The following CHCHD3 variants were observed in gnomAD, a reference collection of about 807,000 sequenced individuals.
The protein encoded by CHCHD3 is coiled-coil-helix-coiled-coil-helix domain containing 3.
CHCHD3 carries 20 observed loss-of-function variants against 38.2 expected under a neutral mutation model. That is an observed-to-expected ratio of 0.52 (90% confidence interval 0.37 to 0.76). The LOEUF (loss-of-function observed/expected upper bound fraction) is 0.76, where lower values mean the gene tolerates loss of function less well. Among genes scored for constraint, CHCHD3 ranks in the 30% least tolerant of loss-of-function variants. The probability of loss-of-function intolerance (pLI) is 0.00; values close to 1 mark genes in which losing one functional copy is unlikely to be tolerated. For synonymous variants in CHCHD3, 82 were observed against 100.0 expected, an observed-to-expected ratio of 0.82 and a Z score of 1.07; for missense variants, 245 against 279.2, an observed-to-expected ratio of 0.88 and a Z score of 0.87.
intron 4 of CHCHD3, among the ~76,000 whole-genome samples, chr7:132,910,444 C>A (rs1161281716): frequency 6.6e-6 from 1 of 152,154 alleles, no homozygotes; most frequent in African/African-American, 2.4e-5. Context: ...TATTCCTTAA[C>A]TTTCTTATAC....
intron 2 of CHCHD3, chr7:133,034,474 T>C (rs1485472754): frequency 1.3e-6 from 1 of 799,092 alleles, no homozygotes; most frequent in Non-Finnish European, 1.9e-6. Context: ...GCATCTATAA[T>C]TCTTTTCAAG....
chr7:132,963,408 G>T (rs1811373610), intron 4 of CHCHD3, among the ~76,000 whole-genome samples: 1 of 146,802 alleles, frequency 6.8e-6, no homozygotes, highest in Non-Finnish European at 1.5e-5. Flanking sequence ...AAGGCGGGCG[G>T]ATCACGAGGT....
chr7:132,814,154 A>G (rs531284635), intron 6 of CHCHD3, among the ~76,000 whole-genome samples: 16 of 152,204 alleles, frequency 1.1e-4, no homozygotes, highest in Non-Finnish European at 1.9e-4. Context: ...TTAAAGTTCT[A>G]TTACTGTTAA....
At chr7:132,934,978 A>G (rs994607444) in intron 4 of CHCHD3, among the ~76,000 whole-genome samples, 1 of 152,192 alleles carries the variant, frequency 6.6e-6, no homozygotes, top group Non-Finnish European at 1.5e-5. Flanking sequence ...CATAATGAAC[A>G]TGCCTGGAAT....
intron 6 of CHCHD3, among the ~76,000 whole-genome samples, chr7:132,820,760 C>T (rs1807354080): frequency 6.6e-6 from 1 of 151,644 alleles, no homozygotes; most frequent in Non-Finnish European, 1.5e-5. Flanking sequence ...ATATATGGCC[C>T]AAATGCTGAG....
chr7:132,892,087 A>T (rs1809376125), intron 4 of CHCHD3, among the ~76,000 whole-genome samples: 1 of 152,240 alleles, frequency 6.6e-6, no homozygotes, highest in Non-Finnish European at 1.5e-5. Context: ...GGGCACTGCT[A>T]TAAAGATACA....
intron 4 of CHCHD3, among the ~76,000 whole-genome samples, chr7:132,927,363 C>T (rs1299106168): frequency 6.6e-6 from 1 of 152,158 alleles, no homozygotes; most frequent in African/African-American, 2.4e-5. Context: ...ACTTAACAGC[C>T]GTCAACCACA....
chr7:133,000,460 G>A (rs1213930399), intron 3 of CHCHD3, among the ~76,000 whole-genome samples: 3 of 151,962 alleles, frequency 2.0e-5, no homozygotes, highest in Non-Finnish European at 4.4e-5. Context: ...AATCTACAAC[G>A]TACTTAAGGG....
At position 133,035,950 on chromosome 7, in the gene CHCHD3, G is replaced by C; in HGVS notation, c.170-11323C>G. On this transcript the variant is annotated intron_variant, in intron 2 of 7. Transcript: ENST00000262570. The surrounding 1 kb of genome is among the most constrained non-coding windows in gnomAD (Gnocchi z 4.7). ...ATTCCGCAAAGAAAGGCTGGATCCA[G>C]TCTTAAAAGTGTTATCAGGTAGGGG... The C allele has an allele frequency of 1.4e-6, 2 of 1,477,666 alleles. No individual in the cohort carries two copies. The highest frequency in any genetic ancestry group is 1.9e-6 in the Non-Finnish European group (2 of 1,068,682). The allele number at this position is 1,477,666 out of a possible 1,614,324, so 91.5% of individuals were successfully genotyped here.
At chr7:132,951,642 C>T (rs900483236) in intron 4 of CHCHD3, among the ~76,000 whole-genome samples, 1 of 152,142 alleles carries the variant, frequency 6.6e-6, no homozygotes, top group African/African-American at 2.4e-5. Context: ...ACAAAATTGC[C>T]TAATGATGCA....
intron 4 of CHCHD3, among the ~76,000 whole-genome samples, chr7:132,930,361 G>A (rs1810485895): frequency 6.6e-6 from 1 of 151,806 alleles, no homozygotes; most frequent in Non-Finnish European, 1.5e-5. Context: ...TAGAGAGTGG[G>A]TCTCACCATG....
At chr7:133,065,079 A>G (rs1221937100) in intron 2 of CHCHD3, among the ~76,000 whole-genome samples, 1 of 152,234 alleles carries the variant, frequency 6.6e-6, no homozygotes, top group Non-Finnish European at 1.5e-5. Context: ...ATATGCAATG[A>G]CATCTCCTTA....
At chr7:133,034,788 C>T (rs775800313) in intron 2 of CHCHD3, 4 of 1,612,866 alleles carry the variant, frequency 2.5e-6, no homozygotes, top group Non-Finnish European at 3.4e-6. Flanking sequence ...CTCCTGGCCT[C>T]GGAAGACCCA....
At chr7:133,055,275 A>T (rs1814284979) in intron 2 of CHCHD3, among the ~76,000 whole-genome samples, 1 of 146,928 alleles carries the variant, frequency 6.8e-6, no homozygotes, top group African/African-American at 2.5e-5. Context: ...ATAATTAATT[A>T]TAATTATATT....
At chr7:132,982,459 A>G (rs897921144) in intron 3 of CHCHD3, among the ~76,000 whole-genome samples, 2 of 152,006 alleles carry the variant, frequency 1.3e-5, no homozygotes, top group Non-Finnish European at 2.9e-5. Context: ...TAATTTTTGT[A>G]TTTTTAGTAA....
chr7:132,852,392 G>C (rs1808241129), intron 5 of CHCHD3, among the ~76,000 whole-genome samples: 1 of 152,132 alleles, frequency 6.6e-6, no homozygotes, highest in South Asian at 2.1e-4. Flanking sequence ...TTGTCTTCAA[G>C]AGCTCCATAT....
intron 6 of CHCHD3, among the ~76,000 whole-genome samples, chr7:132,814,792 TATC>T (rs1177033576): frequency 2.0e-5 from 3 of 152,340 alleles, no homozygotes; most frequent in Middle Eastern, 3.4e-3. Flanking sequence ...TCATATATCA[TATC>T]ATGGTACTAG....
intron 4 of CHCHD3, among the ~76,000 whole-genome samples, chr7:132,905,418 G>C (rs1440200532): frequency 6.6e-6 from 1 of 151,924 alleles, no homozygotes; most frequent in African/African-American, 2.4e-5. Context: ...TGGACACATG[G>C]GGGGAAACAA....
chr7:133,039,307 G>A (rs1003256115), intron 2 of CHCHD3, among the ~76,000 whole-genome samples: 5 of 152,146 alleles, frequency 3.3e-5, no homozygotes, highest in African/African-American at 9.7e-5. Context: ...AGATATTACA[G>A]CTTTATCTTG....
Sources: allele counts gnomAD v4.1 joint callset (sites outside exome capture counted in the v4.1 genomes callset), GRCh38; gene constraint gnomAD v4.1.1; non-coding constraint Gnocchi (gnomAD v3.1); transcripts MANE v1.5; gene names NCBI Gene and HGNC (gene_info 2026-07-23, HGNC 2026-07-21).